The following EYA2 variants were observed in gnomAD, a reference collection of about 807,000 sequenced individuals.
The protein encoded by EYA2 is protein phosphatase EYA2.
EYA2 carries 31 observed loss-of-function variants against 69.2 expected under a neutral mutation model. The observed-to-expected ratio is 0.45, with a 90% CI of 0.34 to 0.60. The LOEUF (loss-of-function observed/expected upper bound fraction) is 0.60. Among genes scored for constraint, EYA2 ranks in the 20% least tolerant of loss-of-function variants. The pLI is 0.02. For synonymous variants in EYA2, 257 were observed against 279.4 expected (o/e 0.92, Z 0.80); for missense variants, 622 against 701.2 (o/e 0.89, Z 1.28).
chr20:46,958,412 G>A (rs1271482870), intron 1 of EYA2, among the ~76,000 whole-genome samples: 2 of 151,932 alleles, frequency 1.3e-5, no homozygotes, highest in Non-Finnish European at 2.9e-5. Context: ...ATAAAGTTTG[G>A]TGATTTTTTA....
chr20:47,032,276 A>G (rs1984462415), intron 5 of EYA2, among the ~76,000 whole-genome samples: 1 of 152,216 alleles, frequency 6.6e-6, no homozygotes, highest in South Asian at 2.1e-4. Flanking sequence ...GGCCCGGGGA[A>G]CATGCAGGGA....
intron 4 of EYA2, among the ~76,000 whole-genome samples, chr20:47,006,870 G>C (rs1982748378): frequency 6.6e-6 from 1 of 152,136 alleles, no homozygotes; most frequent in Non-Finnish European, 1.5e-5. Flanking sequence ...TGAATTATCT[G>C]CCTTTTCCAT....
At chr20:47,027,004 C>G (rs892769800) in intron 5 of EYA2, among the ~76,000 whole-genome samples, 1 of 31,292 alleles carries the variant, frequency 3.2e-5, no homozygotes, top group African/African-American at 6.2e-5. Context: ...CAGTCTTGCT[C>G]CATATTTTAA....
chr20:46,988,588 A>G (rs1012764577), intron 1 of EYA2, among the ~76,000 whole-genome samples: 2 of 152,236 alleles, frequency 1.3e-5, no homozygotes, highest in African/African-American at 2.4e-5. Context: ...CTCTGAAGAC[A>G]ACTGCAGGTT....
chr20:46,940,179 G>A (rs6063039), intron 1 of EYA2, among the ~76,000 whole-genome samples: 46,323 of 152,088 alleles, frequency 0.3, 8,822 homozygotes, highest in Non-Finnish European at 0.42. Flanking sequence ...GAATAGAGGT[G>A]GGCTTCCTAC....
chr20:47,057,122 A>C (rs998110935), intron 5 of EYA2, among the ~76,000 whole-genome samples: 1 of 129,798 alleles, frequency 7.7e-6, no homozygotes, highest in Admixed American at 7.6e-5. Flanking sequence ...GAGGGAAGGA[A>C]GAAGACAGGA....
intron 9 of EYA2, among the ~76,000 whole-genome samples, chr20:47,127,299 T>A (rs1293643711): frequency 6.6e-6 from 1 of 152,094 alleles, no homozygotes; most frequent in Non-Finnish European, 1.5e-5. Context: ...ATTATGCAAG[T>A]TTCCTTAAGA....
chr20:47,134,479 A>G (rs370449010), intron 9 of EYA2, among the ~76,000 whole-genome samples: 2 of 152,336 alleles, frequency 1.3e-5, no homozygotes, highest in Non-Finnish European at 1.5e-5. Flanking sequence ...TGTTCCAGGC[A>G]TGGTTTTAAG....
chr20:47,038,423 T>G (rs6066177), intron 5 of EYA2, among the ~76,000 whole-genome samples: 11,861 of 152,198 alleles, frequency 0.078, 929 homozygotes, highest in East Asian at 0.32. Flanking sequence ...CCCAGGAGAT[T>G]GAGGCTGCAA....
chr20:46,949,068 A>G (rs1169059320), intron 1 of EYA2, among the ~76,000 whole-genome samples: 4 of 152,152 alleles, frequency 2.6e-5, no homozygotes, highest in Non-Finnish European at 5.9e-5. Flanking sequence ...GGAGCTCAAG[A>G]CTGGTAGAGA....
chr20:47,063,576 C>A (rs1447994761), intron 5 of EYA2, among the ~76,000 whole-genome samples: 4 of 152,190 alleles, frequency 2.6e-5, no homozygotes, highest in Non-Finnish European at 4.4e-5. Context: ...CCCTTTGCAA[C>A]TCCCTGCCCC....
At chr20:47,002,421 T>C (rs1319794313) in intron 3 of EYA2, among the ~76,000 whole-genome samples, 3 of 152,150 alleles carry the variant, frequency 2.0e-5, no homozygotes, top group African/African-American at 7.2e-5. Flanking sequence ...GTGTTCTCAT[T>C]GTTCAGCTCT....
chr20:47,173,858 A>G (rs1346956705), intron 12 of EYA2, among the ~76,000 whole-genome samples: 8 of 152,212 alleles, frequency 5.3e-5, no homozygotes, highest in Admixed American at 4.6e-4. Context: ...TGGTCTTGGT[A>G]TCACTGCAGC....
intron 7 of EYA2, among the ~76,000 whole-genome samples, chr20:47,086,919 G>C (rs1484698374): frequency 2.2e-5 from 3 of 139,512 alleles, no homozygotes; most frequent in Non-Finnish European, 4.8e-5. Flanking sequence ...CTGTTTTAAT[G>C]GGGGGGGCAA....
rs76525439 is a variant in EYA2 at position 47,154,676 on chromosome 20, G to A, written c.978+11528G>A. 3.0e-3 allele frequency among the ~76,000 whole-genome samples: 460 copies of A among 152,124 alleles called. 7 individuals carry two copies. The highest frequency in any genetic ancestry group is 0.011 in the African/African-American group (439 of 41,568). On this transcript the variant is annotated intron_variant, in intron 10 of 15. Transcript: ENST00000327619. ...CTCAAAGGAAGAAAAGAAAGTGCAA[G>A]GGAGGCTGGAGTCACTGAGAAGTGT...
chr20:47,053,384 G>A (rs567439317), intron 5 of EYA2, among the ~76,000 whole-genome samples: 4 of 152,078 alleles, frequency 2.6e-5, no homozygotes, highest in South Asian at 2.1e-4. Context: ...AGTAACATTC[G>A]GCCGGGTGCA....
At chr20:46,921,346 T>A (rs1029008701) in intron 1 of EYA2, among the ~76,000 whole-genome samples, 1 of 152,276 alleles carries the variant, frequency 6.6e-6, no homozygotes, top group Non-Finnish European at 1.5e-5. Context: ...ACAAACAGTC[T>A]CCACATTTAT....
intron 7 of EYA2, among the ~76,000 whole-genome samples, chr20:47,083,577 C>A (rs372070145): frequency 4.2e-3 from 502 of 120,474 alleles, no homozygotes; most frequent in South Asian, 5.2e-3. Context: ...GAGTCCATCT[C>A]AAAAAAAAAA....
At chr20:47,012,931 T>G (rs1430616417) in intron 4 of EYA2, among the ~76,000 whole-genome samples, 1 of 152,256 alleles carries the variant, frequency 6.6e-6, no homozygotes, top group African/African-American at 2.4e-5. Context: ...AACTTGTAAC[T>G]GATGCATGGA....
Sources: allele counts gnomAD v4.1 joint callset (sites outside exome capture counted in the v4.1 genomes callset), GRCh38; gene constraint gnomAD v4.1.1; transcripts MANE v1.5; gene names NCBI Gene and HGNC (gene_info 2026-07-23, HGNC 2026-07-21).